The following FBXL8 variants were observed in gnomAD, a reference collection of about 807,000 sequenced individuals.
The protein encoded by FBXL8 is F-box and leucine rich repeat protein 8.
In FBXL8, 13 loss-of-function variants were observed where a neutral mutation model predicts 8.2. The observed-to-expected ratio is 1.58, with a 90% CI of 1.03 to 2.51. The LOEUF (loss-of-function observed/expected upper bound fraction) is 2.51, where lower values mean the gene tolerates loss of function less well. FBXL8 is among the 30% of genes most tolerant of loss of function. FBXL8 has a pLI of 0.00. For synonymous variants in FBXL8, 271 were observed against 260.5 expected, an observed-to-expected ratio of 1.04 and a Z score of -0.39; for missense variants, 565 against 540.4, an observed-to-expected ratio of 1.05 and a Z score of -0.45.
At chr16:67,160,495 G>A (rs1163958184) in intron 1 of FBXL8, among the ~76,000 whole-genome samples, 1 of 152,206 alleles carries the variant, frequency 6.6e-6, no homozygotes, top group Non-Finnish European at 1.5e-5. Flanking sequence ...TGGATCACCT[G>A]AGGTCAGGAG....
intron 2 of FBXL8, 51 bp from the exon 3 acceptor site, chr16:67,162,797 G>T: frequency 1.3e-6 from 2 of 1,548,154 alleles, no homozygotes; most frequent in Non-Finnish European, 1.7e-6. Flanking sequence ...AGGCTTCTCC[G>T]CTGGTCGCAG....
chr16:67,163,637 C>T lies in FBXL8; in HGVS notation c.942C>T (p.Ala314=). The T allele has an allele frequency of 6.4e-7, 1 of 1,566,082 alleles. No homozygotes were observed. The highest frequency in any genetic ancestry group is 1.1e-5 in the South Asian group (1 of 87,086). ...TCGAGGTGCGCGCAGCCGCTTCGGC[C>T]GAGCTGAACGCCGCGCTGGAGGAGC... The part of the protein sequence containing the change: ...CALEVRAAAS[A]ELNAALEELA... The change falls in exon 3 of 3, where the codon GCC becomes GCT. Residue 314 remains alanine, a synonymous_variant. Transcript: ENST00000258200.
chr16:67,161,755 C>A lies in FBXL8; in HGVS notation c.-31C>A, dbSNP rs746244998. 2.3e-5 allele frequency: 35 copies of A among 1,551,990 alleles called. No individual in the cohort carries two copies. The highest frequency in any genetic ancestry group is 3.1e-5 in the Non-Finnish European group (35 of 1,146,178). On this transcript the variant is annotated 5_prime_UTR_variant, in exon 2 of 3. Coordinates refer to ENST00000258200, the MANE Select transcript of FBXL8 (RefSeq NM_018378.3). Reference sequence around the variant, plus strand: ...TCCAGGCCGGAGCTATTGGGAGTGGCGGATCCTCCCACCCCAGCCGGATCT... The same window carrying A: ...TCCAGGCCGGAGCTATTGGGAGTGGAGGATCCTCCCACCCCAGCCGGATCT...
At chr16:67,160,699 A>G (rs750712667) in intron 1 of FBXL8, among the ~76,000 whole-genome samples, 5 of 152,162 alleles carry the variant, frequency 3.3e-5, no homozygotes, top group Non-Finnish European at 7.4e-5. Flanking sequence ...CGACACAGCT[A>G]GATTCCGTCT....
chr16:67,163,550 A>C lies in FBXL8; in HGVS notation c.855A>C (p.Ser285=). Residue 285 remains serine, a synonymous_variant, in exon 3 of 3, where the codon TCA becomes TCC. Coordinates refer to ENST00000258200, the MANE Select transcript of FBXL8 (RefSeq NM_018378.3). ...TGGCTGCGCTGCGCCTCAACCTCTC[A>C]GGCGACACCGTAGGCCCAGTGCGCT... ...VPVAALRLNL[S]GDTVGPVRFA... 6.3e-7 allele frequency: 1 copy of C among 1,577,456 alleles called. No homozygotes were observed. The highest frequency in any genetic ancestry group is 8.5e-7 in the Non-Finnish European group (1 of 1,170,250).
In FBXL8 at chr16:67,163,163, G is replaced by C. The variant is rs1187751151; in HGVS notation, c.468G>C (p.Gln156His). Residue 156 changes from glutamine (Q) to histidine (H), a missense_variant, in exon 3 of 3, where the codon CAG (glutamine) becomes CAC (histidine). Physicochemically the swap from Gln to His is conservative, Grantham distance 24. Transcript: ENST00000258200. Reference protein sequence around the residue: ...SFTLDDALVLQAARSCPELHS... With the variant: ...SFTLDDALVLHAARSCPELHS... The stretch of plus-strand genomic sequence containing the variant: ...CACTGGACGACGCGCTGGTGCTGCA[G>C]GCGGCGCGCAGCTGTCCCGAGCTCC... 3.8e-6 allele frequency: 6 copies of C among 1,564,646 alleles called. No homozygotes were observed. The African/African-American group carries it at 8.1e-5, about 21-fold the overall frequency.
intron 1 of FBXL8, 58 bp from the exon 2 acceptor site, chr16:67,161,677 C>T (rs1341296526): frequency 6.6e-6 from 9 of 1,363,052 alleles, no homozygotes; most frequent in Admixed American, 2.9e-5. Context: ...CACCTAAGCT[C>T]GGTCTTCCTG....
intron 1 of FBXL8, among the ~76,000 whole-genome samples, chr16:67,160,955 G>A (rs1457314516): frequency 6.6e-6 from 1 of 152,100 alleles, no homozygotes; most frequent in East Asian, 1.9e-4. Context: ...GGCTGTCTTA[G>A]GAAGCACCCG....
In FBXL8 at chr16:67,163,928, C is replaced by T. The variant is rs767072779; in HGVS notation, c.*108C>T. On this transcript the variant is annotated 3_prime_UTR_variant, in exon 3 of 3. Transcript: ENST00000258200. ...CTAGTGCCTTCTTTTGGGATTGTTG[C>T]CCCCCGGGTCTTTACCGAGTTGGGA... 1.8e-4 allele frequency: 267 copies of T among 1,467,244 alleles called. No homozygotes were observed. Among genetic ancestry groups the T allele is most frequent in the Non-Finnish European group, 2.3e-4 (252 of 1,092,738 alleles). 90.9% of individuals were successfully genotyped at this position (1,467,244 alleles called of 1,614,324 possible).
Position 67,163,898 on chromosome 16 carries a change from G to T in FBXL8, c.*78G>T. 1.3e-6 allele frequency: 2 copies of T among 1,513,108 alleles called. No individual in the cohort carries two copies. Among genetic ancestry groups the T allele is most frequent in the East Asian group, 2.3e-5 (1 of 43,054 alleles). 93.7% of individuals were successfully genotyped at this position (1,513,108 alleles called of 1,614,324 possible). On this transcript the variant is annotated 3_prime_UTR_variant, in exon 3 of 3. Transcript: ENST00000258200. ...CGGGGGGGGTGTCCAGGCGCGCCCC[G>T]AGTGCTAGTGCCTTCTTTTGGGATT...
In FBXL8 at chr16:67,163,878, G is replaced by GC. The variant is rs965162501; in HGVS notation, c.*58_*59insC. ...GTAAGCGCTCTGAGAGGGAACGGGG[G>GC]GGGTGTCCAGGCGCGCCCCGAGTGC... On this transcript the variant is annotated 3_prime_UTR_variant, in exon 3 of 3. Coordinates refer to ENST00000258200, the MANE Select transcript of FBXL8 (RefSeq NM_018378.3). 2 of 1,526,712 alleles carry GC rather than the reference G, an allele frequency of 1.3e-6. No homozygotes were observed. The highest frequency in any genetic ancestry group is 4.6e-5 in the East Asian group (2 of 43,338). The allele number at this position is 1,526,712 out of a possible 1,614,324, so 94.6% of individuals were successfully genotyped here.
In FBXL8 at chr16:67,161,814, A is replaced by C; in HGVS notation, c.29A>C (p.Glu10Ala). The change falls in exon 2 of 3, where the codon GAG becomes GCG. Residue 10 changes from glutamate (E) to alanine (A), a missense_variant. By Grantham distance (107) the Glu-to-Ala change is moderately radical. Coordinates refer to ENST00000258200, the MANE Select transcript of FBXL8 (RefSeq NM_018378.3). ...GCCGAGCCTGGAGAGGGACTGCCAG[A>C]GGAGGTGCTGGCACTCATCTTCCGC... MAEPGEGLP[E>A]EVLALIFRHL... 6.2e-7 allele frequency: 1 copy of C among 1,609,852 alleles called. No homozygotes were observed. Among genetic ancestry groups the C allele is most frequent in the South Asian group, 1.1e-5 (1 of 90,154 alleles).
Position 67,161,875 on chromosome 16 carries a change from G to T in FBXL8, c.90G>T (p.Arg30Ser). ...LSLRDRAAAA[R>S]VCRAWAAAAT... ...TGAGAGACCGTGCTGCCGCCGCCAG[G>T]GTCTGCAGGGCCTGGGCCGCCGCTG... Residue 30 changes from arginine (R) to serine (S), a missense_variant, in exon 2 of 3, where the codon AGG becomes AGT. Physicochemically the swap from Arg to Ser is moderately radical, Grantham distance 110. Transcript: ENST00000258200. 6.2e-7 allele frequency: 1 copy of T among 1,611,026 alleles called. No individual in the cohort carries two copies. Among genetic ancestry groups the T allele is most frequent in the Non-Finnish European group, 8.5e-7 (1 of 1,178,998 alleles).
chr16:67,163,080 G>T lies in FBXL8; in HGVS notation c.385G>T (p.Ala129Ser). ...CCGCGACGTCCTGGAGGCTGTGCACGCTGTATGCGGGGCGGCCAGCCAGCT... is the reference window on the plus strand; with the variant it reads ...CCGCGACGTCCTGGAGGCTGTGCACTCTGTATGCGGGGCGGCCAGCCAGCT... ...AGRDVLEAVHAVCGAASQLRH... is the reference protein window; with the variant it reads ...AGRDVLEAVHSVCGAASQLRH... Residue 129 changes from alanine to serine, a missense_variant, in exon 3 of 3, where the codon GCT (alanine) becomes TCT (serine). Transcript: ENST00000258200. 1.3e-6 allele frequency: 2 copies of T among 1,580,248 alleles called. No individual in the cohort carries two copies. Among genetic ancestry groups the T allele is most frequent in the Non-Finnish European group, 8.6e-7 (1 of 1,163,350 alleles).
chr16:67,163,859 G>A lies in FBXL8; in HGVS notation c.*39G>A, dbSNP rs1038106353. Reference sequence around the variant, plus strand: ...CTCCCCCGTCCCCGTGGACGTAAGCGCTCTGAGAGGGAACGGGGGGGGTGT... The same window carrying A: ...CTCCCCCGTCCCCGTGGACGTAAGCACTCTGAGAGGGAACGGGGGGGGTGT... On this transcript the variant is annotated 3_prime_UTR_variant, in exon 3 of 3. Transcript: ENST00000258200. 4.7e-6 allele frequency: 7 copies of A among 1,478,176 alleles called. No individual in the cohort carries two copies. Among genetic ancestry groups the A allele is most frequent in the Non-Finnish European group, 4.4e-6 (5 of 1,129,322 alleles). 91.6% of individuals were successfully genotyped at this position (1,478,176 alleles called of 1,614,324 possible).
Position 67,164,070 on chromosome 16 carries a change from C to G in FBXL8, c.*250C>G, listed in dbSNP as rs1000740498. ...CACTGCCCCCCTCTCTTGCCTCCAC[C>G]CCTCTGCGGACTCTGCAGCTCCGCG... is the stretch of plus-strand genomic sequence containing the variant. On this transcript the variant is annotated 3_prime_UTR_variant, in exon 3 of 3. Transcript: ENST00000258200. 1.6e-5 allele frequency: 11 copies of G among 702,348 alleles called. No individual in the cohort carries two copies. In the Admixed American group the frequency reaches 2.0e-4, roughly 13 times the overall value. 43.5% of individuals were successfully genotyped at this position (702,348 alleles called of 1,614,324 possible). A position where few individuals can be genotyped will look rare whatever the true frequency, so the allele number is the denominator to read the frequency against.
At position 67,163,365 on chromosome 16, in the gene FBXL8, C is replaced by G; in HGVS notation, c.670C>G (p.Leu224Val). 1.3e-6 allele frequency: 2 copies of G among 1,546,970 alleles called. No individual in the cohort carries two copies. The highest frequency in any genetic ancestry group is 1.4e-5 in the African/African-American group (1 of 73,478). Residue 224 changes from leucine to valine, a missense_variant, in exon 3 of 3, where the codon CTG (leucine) becomes GTG (valine). Physicochemically the swap from Leu to Val is conservative, Grantham distance 32 (BLOSUM62 1). Coordinates refer to ENST00000258200, the MANE Select transcript of FBXL8 (RefSeq NM_018378.3). ...CCGAGCGCCTTTCGCGCTCTTGGCT[C>G]TGCGGTGCGCGTGCCCCGAAGATGC... ...PDRAPFALLALRCACPEDARA... is the reference protein window; with the variant it reads ...PDRAPFALLAVRCACPEDARA...
rs760941368 is a variant in FBXL8, at chr16:67,163,805, T to C, written c.1110T>C (p.Pro370=). 1.7e-5 allele frequency: 27 copies of C among 1,555,884 alleles called. 1 individual carries two copies. The South Asian group carries it at 3.1e-4, about 18-fold the overall frequency. ...CGCGCGAGCCGCATCCCTGGAGGCC[T>C]ACGCTCGTGGCGTGATTGGGCGACT... ...KLTREPHPWR[P]TLVA The change falls in exon 3 of 3, where the codon CCT becomes CCC. Residue 370 remains proline, a synonymous_variant. Transcript: ENST00000258200.
intron 1 of FBXL8, 163 bp from the exon 2 acceptor site, chr16:67,161,572 G>A (rs2145912241): frequency 2.1e-6 from 1 of 484,976 alleles, no homozygotes; most frequent in East Asian, 3.5e-5. Context: ...TAGTAGGTGA[G>A]GCGGTGAAAT....
Sources: allele counts gnomAD v4.1 joint callset (sites outside exome capture counted in the v4.1 genomes callset), GRCh38; gene constraint gnomAD v4.1.1; transcripts MANE v1.5; gene names NCBI Gene and HGNC (gene_info 2026-07-23, HGNC 2026-07-21).